The following NUP210L variants were observed in gnomAD, a reference collection of about 807,000 sequenced individuals.
The protein encoded by NUP210L is nuclear pore membrane glycoprotein 210-like.
Under a neutral mutation model 208.5 loss-of-function variants are expected in NUP210L, and 74 were observed. The ratio of observed to expected loss-of-function variants is 0.35; its 90% CI spans 0.29 to 0.43. The LOEUF is 0.43. Ranked by LOEUF, NUP210L falls within the 20% of genes least tolerant of loss-of-function variation. The pLI is 1.00. For synonymous variants in NUP210L, 780 were observed against 816.9 expected (o/e 0.95, Z 0.77); for missense variants, 1,843 against 2,289.4 (o/e 0.81, Z 3.98).
intron 37 of NUP210L, chr1:153,995,617 C>T: frequency 9.3e-7 from 1 of 1,069,794 alleles, no homozygotes. Context: ...GGGACGTTGT[C>T]TGCAGGCACT....
chr1:154,094,817 G>T, intron 15 of NUP210L, 118 bp downstream of exon 15: 1 of 707,200 alleles, frequency 1.4e-6, no homozygotes. Flanking sequence ...TCAATAATTA[G>T]AATTTTCCTA....
intron 28 of NUP210L, 33 bp downstream of exon 28, chr1:154,029,863 A>G (rs745651001): frequency 1.4e-5 from 21 of 1,552,142 alleles, no homozygotes; most frequent in Non-Finnish European, 1.6e-5. Context: ...TATCCTTAAT[A>G]TACGAAAATA....
intron 37 of NUP210L, among the ~76,000 whole-genome samples, chr1:153,996,848 C>CT (rs747835495): frequency 0.23 from 24,158 of 103,712 alleles, 3,983 homozygotes; most frequent in Admixed American, 0.31. Context: ...GTAGACTTGC[C>CT]TTTTTTTTTT....
intron 37 of NUP210L, among the ~76,000 whole-genome samples, chr1:153,998,238 TTTAAG>T (rs1368693236): frequency 6.6e-6 from 1 of 152,080 alleles, no homozygotes; most frequent in Non-Finnish European, 1.5e-5. Context: ...AAGTGCTAAC[TTTAAG>T]TTAGTGGTCA....
At chr1:154,137,827 C>G (rs987874125) in intron 6 of NUP210L, among the ~76,000 whole-genome samples, 55 of 152,278 alleles carry the variant, frequency 3.6e-4, no homozygotes, top group African/African-American at 1.2e-3. Flanking sequence ...TCCAGAGTAG[C>G]TGGAATTACA....
At chr1:154,111,795 T>C (rs1657051830) in intron 12 of NUP210L, among the ~76,000 whole-genome samples, 1 of 151,642 alleles carries the variant, frequency 6.6e-6, no homozygotes. Context: ...TGGCCAGTAT[T>C]ACCCTGATAC....
At chr1:153,995,306 C>T (rs948226389) in intron 37 of NUP210L, 126 bp from the exon 38 acceptor site, 6 of 662,968 alleles carry the variant, frequency 9.1e-6, no homozygotes, top group Non-Finnish European at 1.6e-5. Flanking sequence ...GGCTGGAGGG[C>T]AGTGGTGCGA....
At chr1:154,054,557 G>T in intron 24 of NUP210L, 150 bp from the exon 25 acceptor site, 1 of 807,936 alleles carries the variant, frequency 1.2e-6, no homozygotes, top group South Asian at 1.8e-5. Flanking sequence ...AGAAGAAATG[G>T]AAGTACTGCA....
At chr1:154,100,066 C>T (rs1656382207) in exon 14 of NUP210L, 2 of 1,614,066 alleles carry the variant, frequency 1.2e-6, no homozygotes, top group South Asian at 2.2e-5. Context: ...TTCACACTTA[C>T]TGTTACCAGA....
chr1:154,022,962 C>T (rs1356254190), intron 31 of NUP210L, among the ~76,000 whole-genome samples, 160 bp downstream of exon 31: 1 of 152,012 alleles, frequency 6.6e-6, no homozygotes, highest in African/African-American at 2.4e-5. Flanking sequence ...CAGGTGTGAG[C>T]CACCCACCTG....
At chr1:154,011,074 T>C (rs891649298) in intron 34 of NUP210L, among the ~76,000 whole-genome samples, 15 of 152,032 alleles carry the variant, frequency 9.9e-5, no homozygotes, top group Non-Finnish European at 1.9e-4. Flanking sequence ...GTTGTTATCA[T>C]TGGGTCAGCT....
chr1:154,016,575 C>A (rs1031412108), intron 33 of NUP210L, among the ~76,000 whole-genome samples: 2 of 152,004 alleles, frequency 1.3e-5, no homozygotes, highest in Non-Finnish European at 2.9e-5. Flanking sequence ...AACTCTTAAC[C>A]CCAACTCCTT....
chr1:154,023,845 G>C (rs2147931022), intron 30 of NUP210L, among the ~76,000 whole-genome samples: 3 of 150,866 alleles, frequency 2.0e-5, no homozygotes, highest in African/African-American at 7.3e-5. Flanking sequence ...CTGGAGTGCA[G>C]TGGTGCAATC....
intron 1 of NUP210L, among the ~76,000 whole-genome samples, chr1:154,153,099 T>A (rs1659484031): frequency 6.6e-6 from 1 of 152,102 alleles, no homozygotes; most frequent in Non-Finnish European, 1.5e-5. Flanking sequence ...CTCCCTCAAT[T>A]TTTTTTAAAA....
At chr1:154,029,397 A>C (rs1368299398) in intron 28 of NUP210L, among the ~76,000 whole-genome samples, 1 of 144,746 alleles carries the variant, frequency 6.9e-6, no homozygotes, top group Non-Finnish European at 1.5e-5. Context: ...AAAAAAAAAA[A>C]AAAACCACAA....
At position 154,058,701 on chromosome 1, in the gene NUP210L, T is replaced by G; in HGVS notation, c.2851-8A>C. ...AGGATGTAATGGAACTAACTGGAAGTAAGAAGATGGTAGCTGGATAAAGAA... is the reference window on the plus strand; with the variant it reads ...AGGATGTAATGGAACTAACTGGAAGGAAGAAGATGGTAGCTGGATAAAGAA... On this transcript the variant is annotated splice_region_variant and splice_polypyrimidine_tract_variant and intron_variant, in intron 20 of 39. Coordinates refer to ENST00000368559, the Ensembl canonical transcript of NUP210L. 6.2e-7 allele frequency: 1 copy of G among 1,612,296 alleles called. No individual in the cohort carries two copies. Among genetic ancestry groups the G allele is most frequent in the South Asian group, 1.1e-5 (1 of 90,754 alleles).
intron 7 of NUP210L, among the ~76,000 whole-genome samples, chr1:154,134,150 C>CAA (rs370676301): frequency 1.8e-4 from 26 of 142,668 alleles, no homozygotes; most frequent in Non-Finnish European, 9.2e-5. Context: ...AACTCCACCT[C>CAA]AAAAAAAAAA....
chr1:154,099,944 A>G, intron 14 of NUP210L, 54 bp downstream of exon 14: 1 of 1,556,538 alleles, frequency 6.4e-7, no homozygotes, highest in Non-Finnish European at 8.9e-7. Flanking sequence ...CCATAAGCAG[A>G]CATAGTTAAG....
intron 13 of NUP210L, among the ~76,000 whole-genome samples, chr1:154,101,728 G>A (rs968628265): frequency 1.3e-5 from 2 of 152,142 alleles, no homozygotes; most frequent in Non-Finnish European, 2.9e-5. Context: ...CTAGAAAATA[G>A]AAAGATTATT....
Sources: allele counts gnomAD v4.1 joint callset (sites outside exome capture counted in the v4.1 genomes callset), GRCh38; gene constraint gnomAD v4.1.1; transcripts MANE v1.5; gene names NCBI Gene and HGNC (gene_info 2026-07-23, HGNC 2026-07-21).